RPTOR: variants seen among roughly 807,000 people sequenced by gnomAD.
The protein encoded by RPTOR is regulatory-associated protein of mTOR.
Under a neutral mutation model 169.9 loss-of-function variants are expected in RPTOR, and 21 were observed. The observed-to-expected ratio is 0.12, with a 90% CI of 0.09 to 0.18. The LOEUF is 0.18. Ranked by LOEUF, RPTOR falls within the 10% of genes least tolerant of loss-of-function variation. The probability of loss-of-function intolerance (pLI) is 1.00; values close to 1 mark genes in which losing one functional copy is unlikely to be tolerated. For missense variants in RPTOR, 1,133 were observed against 1,855.9 expected, an observed-to-expected ratio of 0.61 and a Z score of 7.16; for synonymous variants, 732 against 753.2, an observed-to-expected ratio of 0.97 and a Z score of 0.46.
intron 1 of RPTOR, among the ~76,000 whole-genome samples, chr17:80,610,261 T>C (rs1451894984): frequency 2.0e-5 from 3 of 152,202 alleles, no homozygotes; most frequent in Non-Finnish European, 4.4e-5. Flanking sequence ...GTGAAACCTT[T>C]CATTTCCTGT....
rs538054559 is a variant in RPTOR at position 80,965,465 on chromosome 17, G to A, written c.*1135G>A. ...CTGTGTGGACAGTCCCGCCCAGGAG[G>A]GGCCGCAGGGCGTGTATGAGCAGTT... On this transcript the variant is annotated 3_prime_UTR_variant, in exon 34 of 34. Coordinates refer to ENST00000306801, the MANE Select transcript of RPTOR (RefSeq NM_020761.3). The A allele has an allele frequency of 1.3e-4, 31 of 233,406 alleles. No homozygotes were observed. Among genetic ancestry groups the A allele is most frequent in the African/African-American group, 6.4e-4 (29 of 45,500 alleles). The allele number at this position is 233,406 out of a possible 1,614,324, so 14.5% of individuals were successfully genotyped here.
intron 7 of RPTOR, chr17:80,801,878 G>C (rs2067161754): frequency 6.6e-6 from 1 of 152,192 alleles, no homozygotes; most frequent in African/African-American, 2.4e-5. Flanking sequence ...GCCTGCCCGA[G>C]CACAGCCACC....
At chr17:80,743,871 ACAGCC>A (rs2066521114) in intron 5 of RPTOR, among the ~76,000 whole-genome samples, 4 of 120,028 alleles carry the variant, frequency 3.3e-5, no homozygotes, top group African/African-American at 6.8e-5. Context: ...GGCTACTAGC[ACAGCC>A]CTGGCTACTA....
intron 10 of RPTOR, among the ~76,000 whole-genome samples, chr17:80,841,724 A>C (rs532640191): frequency 3.3e-5 from 4 of 121,198 alleles, no homozygotes; most frequent in African/African-American, 1.0e-4. Context: ...GCTCACTCTC[A>C]CCACACCGCA....
chr17:80,912,085 A>G (rs1047403394), intron 21 of RPTOR, among the ~76,000 whole-genome samples: 4 of 152,226 alleles, frequency 2.6e-5, no homozygotes, highest in Non-Finnish European at 5.9e-5. Context: ...AGCCTCTACC[A>G]CTTTTAGTTT....
At chr17:80,832,273 G>T (rs2143653499) in intron 9 of RPTOR, among the ~76,000 whole-genome samples, 1 of 152,362 alleles carries the variant, frequency 6.6e-6, no homozygotes, top group South Asian at 2.1e-4. Flanking sequence ...AGGTGTCAGG[G>T]TGCAGGCGGC....
Position 80,602,984 on chromosome 17 carries a change from T to C in RPTOR, c.163-22707T>C. Reference sequence around the variant, plus strand: ...AGTTGAGTTTTCTTGGGTTGTCCATTGGATGATCATCCCAGATGGGTTCTT... The same window carrying C: ...AGTTGAGTTTTCTTGGGTTGTCCATCGGATGATCATCCCAGATGGGTTCTT... On this transcript the variant is annotated intron_variant, in intron 1 of 33. Transcript: ENST00000306801. 8.8e-6 allele frequency: 3 copies of C among 339,812 alleles called. 1 individual carries two copies. In the South Asian group the frequency reaches 9.1e-5, roughly 10 times the overall value. 21.0% of individuals were successfully genotyped at this position (339,812 alleles called of 1,614,324 possible). A position where few individuals can be genotyped will look rare whatever the true frequency, so the allele number is the denominator to read the frequency against.
intron 6 of RPTOR, among the ~76,000 whole-genome samples, chr17:80,786,157 T>C (rs2066989323): frequency 6.6e-6 from 1 of 152,218 alleles, no homozygotes; most frequent in South Asian, 2.1e-4. Context: ...TGACGCACTT[T>C]TGCGTGACAC....
chr17:80,647,877 G>A (rs1304918279), intron 3 of RPTOR, among the ~76,000 whole-genome samples: 1 of 152,100 alleles, frequency 6.6e-6, no homozygotes, highest in African/African-American at 2.4e-5. Context: ...TCCATGTGGT[G>A]GACAGTTCTT....
intron 1 of RPTOR, among the ~76,000 whole-genome samples, chr17:80,605,613 G>T (rs1287908589): frequency 6.6e-6 from 1 of 152,184 alleles, no homozygotes; most frequent in Non-Finnish European, 1.5e-5. Context: ...TTGGGTACCA[G>T]TGAGGCCTAG....
At chr17:80,824,372 G>A (rs1442806592) in intron 9 of RPTOR, among the ~76,000 whole-genome samples, 17 of 152,212 alleles carry the variant, frequency 1.1e-4, no homozygotes, top group South Asian at 8.3e-4. Context: ...TATTTTTCAC[G>A]AATCCATGAA....
At chr17:80,810,422 TC>T (rs1391089621) in intron 7 of RPTOR, among the ~76,000 whole-genome samples, 1 of 152,222 alleles carries the variant, frequency 6.6e-6, no homozygotes, top group Non-Finnish European at 1.5e-5. Flanking sequence ...TCATTGAATT[TC>T]CTTGGTGCCT....
intron 3 of RPTOR, among the ~76,000 whole-genome samples, chr17:80,671,738 T>A (rs7221823): frequency 0.28 from 42,396 of 152,006 alleles, 6,012 homozygotes; most frequent in East Asian, 0.36. Context: ...TAGGCTGACC[T>A]ATGGTCTTCT....
chr17:80,714,373 A>G (rs1176394057), intron 4 of RPTOR, among the ~76,000 whole-genome samples: 1 of 152,224 alleles, frequency 6.6e-6, no homozygotes, highest in Non-Finnish European at 1.5e-5. Context: ...ACATTTATAC[A>G]GCCGTCCACA....
In RPTOR at chr17:80,861,336, C is replaced by T. The variant is rs181551921; in HGVS notation, c.1509+3436C>T. ...GGAACAGGACCAGGAAGGGGCACCA[C>T]GTAAATCTCACATCTCTCCTGCCTG... On this transcript the variant is annotated intron_variant, in intron 13 of 33. Transcript: ENST00000306801. This position sits in a 1 kb window ranked among gnomAD's most constrained non-coding sequence, Gnocchi z 4.5. Among the ~76,000 whole-genome samples, 6 of 144,598 alleles carry T rather than the reference C, an allele frequency of 4.1e-5. No individual in the cohort carries two copies. Among genetic ancestry groups the T allele is most frequent in the East Asian group, 2.0e-4 (1 of 5,032 alleles). The allele number at this position is 144,598 out of a possible 152,430, so 94.9% of individuals were successfully genotyped here. A position where few individuals can be genotyped will look rare whatever the true frequency, so the allele number is the denominator to read the frequency against.
At chr17:80,570,313 C>T (rs965231935) in intron 1 of RPTOR, among the ~76,000 whole-genome samples, 2 of 152,104 alleles carry the variant, frequency 1.3e-5, no homozygotes, top group Non-Finnish European at 2.9e-5. Flanking sequence ...GCTGTTCCTA[C>T]TTAGTCCATC....
chr17:80,653,400 C>A (rs1351738910), intron 3 of RPTOR, among the ~76,000 whole-genome samples: 3 of 152,178 alleles, frequency 2.0e-5, no homozygotes, highest in Non-Finnish European at 4.4e-5. Context: ...AAAAGAGGTT[C>A]TTTGACTATT....
At chr17:80,593,660 A>T (rs1199158716) in intron 1 of RPTOR, 1 of 152,436 alleles carries the variant, frequency 6.6e-6, no homozygotes, top group East Asian at 1.9e-4. Flanking sequence ...GATTAAATAC[A>T]ATTGCAAAGG....
chr17:80,807,364 G>A (rs2067228669), intron 7 of RPTOR, among the ~76,000 whole-genome samples: 1 of 151,826 alleles, frequency 6.6e-6, no homozygotes, highest in Non-Finnish European at 1.5e-5. Context: ...TTTTGGAGCG[G>A]GGGGAACGGA....
Sources: allele counts gnomAD v4.1 joint callset (sites outside exome capture counted in the v4.1 genomes callset), GRCh38; gene constraint gnomAD v4.1.1; non-coding constraint Gnocchi (gnomAD v3.1); transcripts MANE v1.5; gene names NCBI Gene and HGNC (gene_info 2026-07-23, HGNC 2026-07-21).